CALN1: variants seen among roughly 807,000 people sequenced by gnomAD.
CALN1 encodes the protein calcium-binding protein 8.
A neutral mutation model predicts 30.6 loss-of-function variants in CALN1; 17 were observed. The observed-to-expected ratio is 0.56, with a 90% CI of 0.38 to 0.83. The LOEUF is 0.83. CALN1 is among the 40% of genes least tolerant of loss of function. The pLI, the probability that CALN1 is intolerant of heterozygous loss-of-function variation, is 0.00. For missense variants in CALN1, 291 were observed against 354.9 expected (o/e 0.82, Z 1.45); for synonymous variants, 156 against 131.4 (o/e 1.19, Z -1.28).
At chr7:72,377,098 A>T (rs961568833) in intron 2 of CALN1, among the ~76,000 whole-genome samples, 1 of 152,148 alleles carries the variant, frequency 6.6e-6, no homozygotes, top group Non-Finnish European at 1.5e-5. Flanking sequence ...GTAGCCTTGT[A>T]GTAAGTTTTG....
At chr7:72,059,378 A>G (rs1584855611) in intron 4 of CALN1, among the ~76,000 whole-genome samples, 1 of 152,204 alleles carries the variant, frequency 6.6e-6, no homozygotes, top group East Asian at 1.9e-4. Context: ...TGTCAAGAAA[A>G]TATGGGCAGA....
intron 3 of CALN1, among the ~76,000 whole-genome samples, chr7:72,169,463 G>A (rs1392690264): frequency 1.3e-5 from 2 of 149,356 alleles, no homozygotes; most frequent in Admixed American, 6.7e-5. Context: ...AGGACTACAG[G>A]TGCATGCCAC....
At chr7:71,905,138 C>G (rs762803890) in intron 5 of CALN1, among the ~76,000 whole-genome samples, 1 of 152,110 alleles carries the variant, frequency 6.6e-6, no homozygotes, top group African/African-American at 2.4e-5. Flanking sequence ...GGGGTTTTAA[C>G]ATGTTGGCCG....
intron 1 of CALN1, 79 bp downstream of exon 1, chr7:72,411,979 C>G (rs144800550): frequency 1.3e-5 from 2 of 152,158 alleles, no homozygotes; most frequent in Admixed American, 1.3e-4. Flanking sequence ...TATGAAAGTA[C>G]CCAGATGGCT....
At chr7:72,457,109 A>G in the CALN1 span, among the ~76,000 whole-genome samples, 1 of 150,068 alleles carries the variant, frequency 6.7e-6, no homozygotes, top group African/African-American at 2.5e-5. Flanking sequence ...CCCGGGTTCA[A>G]GCGATTCTCT....
intron 1 of CALN1, among the ~76,000 whole-genome samples, chr7:72,420,480 G>A (rs780950586): frequency 1.9e-4 from 29 of 151,862 alleles, no homozygotes; most frequent in Non-Finnish European, 3.5e-4. Context: ...GGGCTACACC[G>A]AGAGGGAGAG....
the CALN1 span, among the ~76,000 whole-genome samples, chr7:72,491,522 T>TTG: frequency 1.3e-5 from 2 of 152,124 alleles, no homozygotes; most frequent in East Asian, 3.9e-4. Context: ...TGAGCTATGA[T>TTG]TGCACTACTG....
At chr7:72,173,151 C>T (rs1020244552) in intron 3 of CALN1, among the ~76,000 whole-genome samples, 3 of 151,734 alleles carry the variant, frequency 2.0e-5, no homozygotes, top group Admixed American at 1.3e-4. Flanking sequence ...AATTGCTGTA[C>T]TTCTATATAG....
chr7:72,004,019 C>T (rs1799650831), intron 5 of CALN1, among the ~76,000 whole-genome samples: 1 of 152,118 alleles, frequency 6.6e-6, no homozygotes, highest in Admixed American at 6.6e-5. Context: ...TTTTAGTAGG[C>T]ACAGACAAGT....
At chr7:72,425,685 C>CA in intron 1 of CALN1, among the ~76,000 whole-genome samples, 1 of 152,344 alleles carries the variant, frequency 6.6e-6, no homozygotes, top group African/African-American at 2.4e-5. Context: ...ATTACCATCT[C>CA]ATCTGAGTCT....
chr7:72,255,907 T>C (rs1795877856), intron 3 of CALN1, among the ~76,000 whole-genome samples: 1 of 151,972 alleles, frequency 6.6e-6, no homozygotes, highest in Admixed American at 6.6e-5. Context: ...TTTTTGTATT[T>C]TTAGTAGAAA....
intron 5 of CALN1, among the ~76,000 whole-genome samples, chr7:71,895,295 C>G (rs1249226942): frequency 6.6e-6 from 1 of 151,160 alleles, no homozygotes; most frequent in South Asian, 2.1e-4. Context: ...TTAAGTGATT[C>G]TCTTGACAAT....
intron 3 of CALN1, among the ~76,000 whole-genome samples, chr7:72,238,230 T>C (rs1381667992): frequency 6.6e-6 from 1 of 152,138 alleles, no homozygotes; most frequent in Non-Finnish European, 1.5e-5. Context: ...ACATCAAAAT[T>C]AAGTTTTAAT....
chr7:72,309,132 A>C (rs905482016), intron 2 of CALN1, among the ~76,000 whole-genome samples: 21 of 152,176 alleles, frequency 1.4e-4, no homozygotes, highest in Admixed American at 3.9e-4. Context: ...CACAAGCTCT[A>C]TAGCCTGCCT....
chr7:72,117,193 T>G (rs1808045704), intron 3 of CALN1, among the ~76,000 whole-genome samples: 1 of 152,178 alleles, frequency 6.6e-6, no homozygotes, highest in Non-Finnish European at 1.5e-5. Context: ...GGTGCACACC[T>G]GCAGTCCCAG....
intron 1 of CALN1, among the ~76,000 whole-genome samples, chr7:72,421,178 T>G (rs1807598371): frequency 6.6e-6 from 1 of 152,140 alleles, no homozygotes; most frequent in Non-Finnish European, 1.5e-5. Context: ...GTTATATGGA[T>G]GAGTTCTTTA....
At chr7:72,359,366 T>C (rs1803422649) in intron 2 of CALN1, among the ~76,000 whole-genome samples, 1 of 152,324 alleles carries the variant, frequency 6.6e-6, no homozygotes, top group Admixed American at 6.5e-5. Flanking sequence ...TCCGATCTCC[T>C]ACAGGGCAAG....
At chr7:72,232,337 C>T (rs557608697) in intron 3 of CALN1, among the ~76,000 whole-genome samples, 17 of 152,198 alleles carry the variant, frequency 1.1e-4, no homozygotes, top group Non-Finnish European at 1.8e-4. Context: ...CTGCATTGTA[C>T]GTGATAATAC....
chr7:72,460,395 G>A, the CALN1 span, among the ~76,000 whole-genome samples: 1 of 152,156 alleles, frequency 6.6e-6, no homozygotes, highest in African/African-American at 2.4e-5. Flanking sequence ...ACTTTGGGAG[G>A]CTGAGGTGGG....
Sources: gnomAD v4.1 joint callset for allele counts (sites outside exome capture counted in the v4.1 genomes callset) on GRCh38, gnomAD v4.1.1 for gene constraint, MANE v1.5 for transcripts, NCBI Gene and HGNC (gene_info 2026-07-23, HGNC 2026-07-21) for gene names.